The following RBFOX1 variants were observed in gnomAD, a reference collection of about 807,000 sequenced individuals.
RBFOX1 encodes RNA binding fox-1 homolog 1.
A neutral mutation model predicts 57.7 loss-of-function variants in RBFOX1; 8 were observed. The ratio of observed to expected loss-of-function variants is 0.14; its 90% CI spans 0.08 to 0.25. The LOEUF (loss-of-function observed/expected upper bound fraction) is 0.25. RBFOX1 is among the 10% of genes least tolerant of loss of function. The pLI is 1.00. For synonymous variants in RBFOX1, 326 were observed against 222.4 expected (o/e 1.47, Z -4.15); for missense variants, 611 against 548.5 (o/e 1.11, Z -1.14).
chr16:7,067,085 A>G (rs537403074), intron 4 of RBFOX1, among the ~76,000 whole-genome samples: 7 of 152,186 alleles, frequency 4.6e-5, no homozygotes, highest in Middle Eastern at 3.2e-3. Context: ...CAGAATCTAT[A>G]CCAGGCATAT....
rs2095405363 is a variant in RBFOX1, at chr16:6,483,347, A to G, written c.-64+166290A>G. The G allele has an allele frequency of 3.4e-6, 5 of 1,482,744 alleles. 1 individual carries two copies. In the Admixed American group the frequency reaches 8.2e-5, roughly 24 times the overall value. The allele number at this position is 1,482,744 out of a possible 1,614,324, so 91.8% of individuals were successfully genotyped here. A position where few individuals can be genotyped will look rare whatever the true frequency, so the allele number is the denominator to read the frequency against. On this transcript the variant is annotated intron_variant, in intron 2 of 15. Transcript: ENST00000550418. ...TTCTGCACCTGCTGGCGGTCGTGCC[A>G]GGCAGCCCGGGCGAGCGAAGGCGCG...
chr16:6,601,865 T>C (rs571885052), intron 2 of RBFOX1, among the ~76,000 whole-genome samples: 13 of 152,204 alleles, frequency 8.5e-5, no homozygotes, highest in African/African-American at 2.9e-4. Flanking sequence ...TTGAAGAGGA[T>C]GTTAAAGAGA....
intron 3 of RBFOX1, among the ~76,000 whole-genome samples, chr16:6,915,146 G>C (rs749604733): frequency 2.4e-4 from 37 of 152,300 alleles, no homozygotes; most frequent in Non-Finnish European, 4.4e-4. Flanking sequence ...ATGCTCTCCA[G>C]ACTCGGGGTC....
intron 3 of RBFOX1, among the ~76,000 whole-genome samples, chr16:7,017,083 C>A (rs2093953558): frequency 6.6e-6 from 1 of 152,092 alleles, no homozygotes. Flanking sequence ...GTGAGCAGAA[C>A]TCATTTTTCA....
chr16:6,690,867 G>A (rs1403332581), intron 3 of RBFOX1, among the ~76,000 whole-genome samples: 1 of 150,946 alleles, frequency 6.6e-6, no homozygotes, highest in Non-Finnish European at 1.5e-5. Flanking sequence ...TCCCCCCTTG[G>A]ACTCTGAAAC....
At chr16:5,998,861 A>G (rs1376933412) in intron 4 of RBFOX1, among the ~76,000 whole-genome samples, 1 of 152,186 alleles carries the variant, frequency 6.6e-6, no homozygotes, top group Non-Finnish European at 1.5e-5. Context: ...ATTTTAATCC[A>G]TTTAATTCCA....
chr16:7,642,491 G>A (rs1301360566), intron 11 of RBFOX1, among the ~76,000 whole-genome samples: 3 of 152,098 alleles, frequency 2.0e-5, no homozygotes, highest in Non-Finnish European at 4.4e-5. Flanking sequence ...CAGGAGCTGC[G>A]TCAGCCCAAG....
intron 4 of RBFOX1, among the ~76,000 whole-genome samples, chr16:7,384,485 C>A (rs567950158): frequency 6.6e-5 from 10 of 152,182 alleles, no homozygotes; most frequent in East Asian, 3.9e-4. Context: ...GGTTTTCATG[C>A]CAAACATAGC....
At position 7,429,425 on chromosome 16, in the gene RBFOX1, C is replaced by T. The variant is rs2098656828; in HGVS notation, c.28-88722C>T. On this transcript the variant is annotated intron_variant, in intron 4 of 15. Transcript: ENST00000550418. ...CCCTGGCTAGCCCATCAAAAGTGAT[C>T]CTGCCCAGCCAACTTTTATTCTCTC... Among the ~76,000 whole-genome samples the T allele has an allele frequency of 2.0e-5, 3 of 152,240 alleles. No individual in the cohort carries two copies. The South Asian group carries it at 6.2e-4, about 31-fold the overall frequency.
intron 1 of RBFOX1, among the ~76,000 whole-genome samples, chr16:5,333,397 C>T (rs577794777): frequency 1.3e-5 from 2 of 152,146 alleles, no homozygotes; most frequent in South Asian, 2.1e-4. Context: ...GTAATTGAGA[C>T]AGAGACTGTC....
At chr16:5,964,472 AAAATATGAAATGACCTAAGAGTC>A (rs546389071) in intron 4 of RBFOX1, among the ~76,000 whole-genome samples, 1 of 152,310 alleles carries the variant, frequency 6.6e-6, no homozygotes, top group South Asian at 2.1e-4. Flanking sequence ...CACAATAGCC[AAAATATGAAATGACCTAAGAGTC>A]CAATGGTGGA....
intron 4 of RBFOX1, among the ~76,000 whole-genome samples, chr16:5,893,762 C>T (rs138482799): frequency 1.2e-3 from 178 of 151,580 alleles, no homozygotes; most frequent in African/African-American, 4.0e-3. Flanking sequence ...GCCAAGATTG[C>T]GCCACTGCAC....
intron 2 of RBFOX1, among the ~76,000 whole-genome samples, chr16:5,555,271 G>C (rs1019900264): frequency 6.6e-6 from 1 of 151,744 alleles, no homozygotes. Context: ...TATTATTTTT[G>C]AGATGGAGTC....
At chr16:6,884,215 G>A (rs1295915283) in intron 3 of RBFOX1, among the ~76,000 whole-genome samples, 2 of 152,198 alleles carry the variant, frequency 1.3e-5, no homozygotes, top group African/African-American at 4.8e-5. Flanking sequence ...TGTGCAGTCA[G>A]CCATGCTGCA....
chr16:6,702,257 A>T (rs1013566226), intron 3 of RBFOX1, among the ~76,000 whole-genome samples: 1 of 152,164 alleles, frequency 6.6e-6, no homozygotes, highest in South Asian at 2.1e-4. Flanking sequence ...GGATGGGACA[A>T]ATATCCAAAT....
chr16:5,402,961 C>T (rs540063938), intron 1 of RBFOX1, among the ~76,000 whole-genome samples: 2 of 152,310 alleles, frequency 1.3e-5, no homozygotes, highest in South Asian at 4.1e-4. Context: ...TGGAATTCAT[C>T]GCACAGTACC....
At chr16:6,279,659 C>T (rs1267483713) in intron 1 of RBFOX1, among the ~76,000 whole-genome samples, 4 of 152,156 alleles carry the variant, frequency 2.6e-5, no homozygotes, top group African/African-American at 9.7e-5. Context: ...AACATAAACA[C>T]ACTATTAACT....
At chr16:5,478,543 A>C (rs2069411125) in intron 2 of RBFOX1, among the ~76,000 whole-genome samples, 1 of 152,234 alleles carries the variant, frequency 6.6e-6, no homozygotes. Context: ...CATACAAGGT[A>C]ATTCTCATTG....
intron 4 of RBFOX1, among the ~76,000 whole-genome samples, chr16:7,508,913 G>T (rs775410251): frequency 6.6e-6 from 1 of 152,146 alleles, no homozygotes; most frequent in Non-Finnish European, 1.5e-5. Flanking sequence ...CTGTAGGAAC[G>T]GTGCATGGGA....
Sources: allele counts gnomAD v4.1 joint callset (sites outside exome capture counted in the v4.1 genomes callset), GRCh38; gene constraint gnomAD v4.1.1; transcripts MANE v1.5; gene names NCBI Gene and HGNC (gene_info 2026-07-23, HGNC 2026-07-21).